Variants in BNC2 observed in about 807,000 individuals in gnomAD.
The protein encoded by BNC2 is basonuclin zinc finger protein 2, also known as zinc finger protein basonuclin-2.
Under a neutral mutation model 76.3 loss-of-function variants are expected in BNC2, and 20 were observed. The ratio of observed to expected loss-of-function variants is 0.26; its 90% confidence interval spans 0.18 to 0.38. BNC2 has a LOEUF of 0.38. Among genes scored for constraint, BNC2 ranks in the 10% least tolerant of loss-of-function variants. The pLI is 1.00. For missense variants in BNC2, 1,382 were observed against 1,399.8 expected (o/e 0.99, Z 0.20); for synonymous variants, 582 against 514.8 (o/e 1.13, Z -1.77).
chr9:16,690,007 A>T (rs1190797256), intron 3 of BNC2, among the ~76,000 whole-genome samples: 1 of 152,238 alleles, frequency 6.6e-6, no homozygotes, highest in Non-Finnish European at 1.5e-5. Context: ...CAGGAAGGTG[A>T]GCTACGTGGC....
At chr9:16,578,013 AC>A (rs1819532653) in intron 4 of BNC2, among the ~76,000 whole-genome samples, 1 of 152,102 alleles carries the variant, frequency 6.6e-6, no homozygotes, top group African/African-American at 2.4e-5. Context: ...CACCTCACAT[AC>A]CTAGGAAACA....
chr9:16,582,323 G>A (rs1249696951), intron 4 of BNC2, among the ~76,000 whole-genome samples: 1 of 151,980 alleles, frequency 6.6e-6, no homozygotes, highest in Non-Finnish European at 1.5e-5. Context: ...CTGACAGAAC[G>A]GCTCTGTGCA....
intron 1 of BNC2, among the ~76,000 whole-genome samples, chr9:16,866,631 C>T (rs544604315): frequency 7.7e-6 from 1 of 129,898 alleles, no homozygotes; most frequent in Non-Finnish European, 1.6e-5. Context: ...CTTGACTGTT[C>T]TTGTAGAAAG....
chr9:16,658,856 C>G lies in BNC2; in HGVS notation c.330+68941G>C, dbSNP rs989435161. ...CCCCACCCAACTTTTTTCTCTTACA[C>G]TCTTTTCCCTCTAAAAAGCAATGGC... On this transcript the variant is annotated intron_variant, in intron 3 of 6. Transcript: ENST00000380672. 7.9e-5 allele frequency among the ~76,000 whole-genome samples: 12 copies of G among 152,166 alleles called. No homozygotes were observed. In the East Asian group the frequency reaches 2.3e-3, roughly 29 times the overall value.
intron 5 of BNC2, among the ~76,000 whole-genome samples, chr9:16,456,188 A>C (rs1821444545): frequency 1.3e-5 from 2 of 152,204 alleles, no homozygotes; most frequent in South Asian, 4.1e-4. Flanking sequence ...GAAGGTGGAA[A>C]ACATTTCATT....
chr9:16,609,146 A>G (rs1820467986), intron 3 of BNC2, among the ~76,000 whole-genome samples: 1 of 152,146 alleles, frequency 6.6e-6, no homozygotes, highest in Non-Finnish European at 1.5e-5. Context: ...ACCCCAGGGG[A>G]CCTTTCGGAG....
At chr9:16,552,170 T>C (rs1034256932) in intron 5 of BNC2, among the ~76,000 whole-genome samples, 3 of 151,976 alleles carry the variant, frequency 2.0e-5, no homozygotes, top group Non-Finnish European at 2.9e-5. Flanking sequence ...AAATGAAGGG[T>C]AATCTCAGAT....
At chr9:16,465,605 C>A (rs144142353) in intron 5 of BNC2, among the ~76,000 whole-genome samples, 2 of 152,038 alleles carry the variant, frequency 1.3e-5, no homozygotes, top group African/African-American at 4.8e-5. Context: ...ATTACATACA[C>A]GTACTTACAA....
intron 3 of BNC2, among the ~76,000 whole-genome samples, chr9:16,624,153 T>C (rs1820932470): frequency 6.6e-6 from 1 of 152,226 alleles, no homozygotes; most frequent in Admixed American, 6.5e-5. Flanking sequence ...GCCCTTTGAA[T>C]GTCTGGGCAT....
chr9:16,727,794 T>A lies in BNC2; in HGVS notation c.330+3A>T. 1 of 1,611,608 alleles carries A rather than the reference T, an allele frequency of 6.2e-7. No individual in the cohort carries two copies. Among genetic ancestry groups the A allele is most frequent in the Middle Eastern group, 1.7e-4 (1 of 6,042 alleles). ...AAAAAAATCAAGAAAGAAAGTAACT[T>A]ACCTGTTGGGACATTCTGAATAAGA... On this transcript the variant is annotated splice_donor_region_variant and intron_variant, in intron 3 of 6. Transcript: ENST00000380672.
At chr9:16,625,206 GCTTT>G (rs1396849613) in intron 3 of BNC2, among the ~76,000 whole-genome samples, 3 of 152,164 alleles carry the variant, frequency 2.0e-5, no homozygotes, top group Non-Finnish European at 4.4e-5. Context: ...AAAATGCTGT[GCTTT>G]CTTTGGATAA....
intron 1 of BNC2, among the ~76,000 whole-genome samples, chr9:16,765,809 C>T (rs376566548): frequency 2.5e-4 from 37 of 147,420 alleles, no homozygotes; most frequent in African/African-American, 8.3e-4. Flanking sequence ...TTTTCTGAGA[C>T]GGAGTCTAGC....
rs201134930 is a variant in BNC2 at position 16,469,992 on chromosome 9, C to CTTTTT, written c.670-32473_670-32469dup. ...ACACTTGCATGCTGCTAATGGCATTCTTTTTTTTTTTTTTTTTTTTTTTGA... is the reference window on the plus strand; with the variant it reads ...ACACTTGCATGCTGCTAATGGCATTCTTTTTTTTTTTTTTTTTTTTTTTTTTTTGA... On this transcript the variant is annotated intron_variant, in intron 5 of 6. Coordinates refer to ENST00000380672, the MANE Select transcript of BNC2 (RefSeq NM_017637.6). 3.4e-3 allele frequency among the ~76,000 whole-genome samples: 393 copies of CTTTTT among 114,954 alleles called. 7 individuals are homozygous for CTTTTT. The highest frequency in any genetic ancestry group is 5.4e-3 in the Non-Finnish European group (312 of 58,240). 75.4% of individuals were successfully genotyped at this position (114,954 alleles called of 152,430 possible).
At chr9:16,759,995 T>C (rs555194382) in intron 1 of BNC2, among the ~76,000 whole-genome samples, 55 of 152,298 alleles carry the variant, frequency 3.6e-4, no homozygotes, top group Admixed American at 1.3e-3. Context: ...AGTGCTGGGA[T>C]TACAGGCGTG....
chr9:16,553,293 C>G (rs530207588), intron 4 of BNC2, among the ~76,000 whole-genome samples: 10 of 152,204 alleles, frequency 6.6e-5, no homozygotes, highest in African/African-American at 2.4e-4. Flanking sequence ...GGTGAAAGAC[C>G]TAATTTGGAG....
At chr9:16,464,568 A>G (rs966493672) in intron 5 of BNC2, among the ~76,000 whole-genome samples, 1 of 148,990 alleles carries the variant, frequency 6.7e-6, no homozygotes, top group Non-Finnish European at 1.5e-5. Flanking sequence ...AATAATTAAT[A>G]TAAGATTAAA....
intron 1 of BNC2, among the ~76,000 whole-genome samples, chr9:16,829,805 C>T (rs1818538622): frequency 6.6e-6 from 1 of 152,050 alleles, no homozygotes; most frequent in Non-Finnish European, 1.5e-5. Flanking sequence ...AAATAAGTAA[C>T]CAAGCTTAAA....
rs533619297 is a variant in BNC2, at chr9:16,676,468, T to C, written c.330+51329A>G. ...TTAGGAACATACATAAACATAAGCATCTTATTTAATACTTCTTACATTAAT... is the reference window on the plus strand; with the variant it reads ...TTAGGAACATACATAAACATAAGCACCTTATTTAATACTTCTTACATTAAT... On this transcript the variant is annotated intron_variant, in intron 3 of 6. Transcript: ENST00000380672. Among the ~76,000 whole-genome samples the C allele has an allele frequency of 2.1e-4, 32 of 152,354 alleles. No homozygotes were observed. The South Asian group carries it at 4.6e-3, about 22-fold the overall frequency.
chr9:16,555,957 G>T (rs1818817202), intron 4 of BNC2, among the ~76,000 whole-genome samples: 1 of 152,082 alleles, frequency 6.6e-6, no homozygotes, highest in Admixed American at 6.6e-5. Context: ...CAAGAAAGCA[G>T]CCATACACAG....
Sources: allele counts gnomAD v4.1 joint callset (sites outside exome capture counted in the v4.1 genomes callset), GRCh38; gene constraint gnomAD v4.1.1; transcripts MANE v1.5; gene names NCBI Gene and HGNC (gene_info 2026-07-23, HGNC 2026-07-21).